The following LRIT1 variants were observed in gnomAD, a reference collection of about 807,000 sequenced individuals.
LRIT1 encodes leucine-rich repeat, immunoglobulin-like domain and transmembrane domain-containing protein 1.
Under a neutral mutation model 24.0 loss-of-function variants are expected in LRIT1, and 23 were observed. The ratio of observed to expected loss-of-function variants is 0.96; its 90% CI spans 0.69 to 1.36. The LOEUF is 1.36. Among genes scored for constraint, LRIT1 ranks in the 40% most tolerant of loss-of-function variants. LRIT1 has a pLI of 0.00. For synonymous variants in LRIT1, 361 were observed against 340.5 expected (o/e 1.06, Z -0.66); for missense variants, 846 against 806.3 (o/e 1.05, Z -0.60).
chr10:84,237,591 C>T lies in LRIT1; in HGVS notation c.218G>A (p.Arg73Lys), dbSNP rs754898127. 2 of 1,606,720 alleles carry T rather than the reference C, an allele frequency of 1.2e-6. No individual in the cohort carries two copies. The highest frequency in any genetic ancestry group is 1.1e-5 in the South Asian group (1 of 91,062). ...GGGCCTGAAGGCCTCGCCAGGAACC[C>T]TGCGTATGGCCGTCCGCTCCAGGCG... ...RLRLERTAIR[R>K]VPGEAFRPLG... The change falls in exon 2 of 4, where the codon AGG becomes AAG. Residue 73 changes from arginine to lysine, a missense_variant. Physicochemically the swap from Arg to Lys is conservative, Grantham distance 26. Transcript: ENST00000372105.
chr10:84,238,665 A>C (rs1289269107), intron 1 of LRIT1, among the ~76,000 whole-genome samples: 2 of 152,154 alleles, frequency 1.3e-5, no homozygotes, highest in Non-Finnish European at 2.9e-5. Context: ...TAAATGAGGT[A>C]ATGCATGTGG....
rs369082886 is a variant in LRIT1, at chr10:84,232,584, C to G, written c.1215G>C (p.Leu405=). The G allele has an allele frequency of 6.2e-7, 1 of 1,614,100 alleles. No homozygotes were observed. The highest frequency in any genetic ancestry group is 2.2e-5 in the East Asian group (1 of 44,874). The change falls in exon 4 of 4, where the codon CTG becomes CTC. Residue 405 remains leucine (L), a synonymous_variant. Coordinates refer to ENST00000372105, the MANE Select transcript of LRIT1 (RefSeq NM_015613.3). The part of the protein sequence containing the change: ...GPSVPSTKEE[L]TLEHFQMDAL... ...CATCCATCTGGAAGTGCTCAAGGGT[C>G]AGCTCCTCCTTTGTGCTGGGCACAG...
chr10:84,235,564 G>A (rs1842640629), intron 2 of LRIT1, among the ~76,000 whole-genome samples: 2 of 152,140 alleles, frequency 1.3e-5, no homozygotes, highest in African/African-American at 4.8e-5. Context: ...TTCCATGAGT[G>A]TATACGTTTT....
rs1225148202 is a variant in LRIT1 at position 84,241,337 on chromosome 10, C to A, written c.103G>T (p.Gly35Cys). 1 of 1,613,812 alleles carries A rather than the reference C, an allele frequency of 6.2e-7. No individual in the cohort carries two copies. Among genetic ancestry groups the A allele is most frequent in the African/African-American group, 1.3e-5 (1 of 74,942 alleles). ...SQCSCSLHIM[G>C]DGSKARTVVC... ...CCATACCTGGCCTTGCTGCCATCAC[C>A]CATGATATGGAGGCTGCAGCTGCAT... Residue 35 changes from glycine to cysteine, a missense_variant, in exon 1 of 4, where the codon GGT (glycine) becomes TGT (cysteine). Transcript: ENST00000372105.
At position 84,232,753 on chromosome 10, in the gene LRIT1, G is replaced by A. The variant is rs764535599; in HGVS notation, c.1046C>T (p.Pro349Leu). 62 of 1,613,940 alleles carry A rather than the reference G, an allele frequency of 3.8e-5. No homozygotes were observed. The highest frequency in any genetic ancestry group is 3.6e-5 in the Non-Finnish European group (43 of 1,180,024). Reference protein sequence around the residue: ...TVISLIVTEPPTSTEHSGSPG... With the variant: ...TVISLIVTEPLTSTEHSGSPG... ...GCTCCCACTGTGTTCTGTGGAAGTC[G>A]GTGGCTCAGTGACAATCAAGGAGAT... is the stretch of plus-strand genomic sequence containing the variant. Residue 349 changes from proline (P) to leucine (L), a missense_variant, in exon 4 of 4, where the codon CCG (proline) becomes CTG (leucine). By Grantham distance (98) the Pro-to-Leu change is moderately conservative. Coordinates refer to ENST00000372105, the MANE Select transcript of LRIT1 (RefSeq NM_015613.3).
intron 1 of LRIT1, among the ~76,000 whole-genome samples, chr10:84,240,074 C>T (rs80218184): frequency 1.7e-3 from 260 of 152,368 alleles, no homozygotes; most frequent in Middle Eastern, 0.01. Flanking sequence ...ACCACTGGTC[C>T]CTGCCCATGG....
intron 2 of LRIT1, among the ~76,000 whole-genome samples, chr10:84,236,906 A>G (rs2132865803): frequency 6.6e-6 from 1 of 152,290 alleles, no homozygotes; most frequent in South Asian, 2.1e-4. Context: ...TTGGTTTGTT[A>G]AGAACAGGAA....
At position 84,237,709 on chromosome 10, in the gene LRIT1, G is replaced by GT. The variant is rs1333327233; in HGVS notation, c.123-24dup. Reference sequence around the variant, plus strand: ...GTCCTGCTGGCAGAAATGAGGGATAGTTGAGCAAGGATCCTGCCGGGTCTG... The same window carrying GT: ...GTCCTGCTGGCAGAAATGAGGGATAGTTTGAGCAAGGATCCTGCCGGGTCTG... On this transcript the variant is annotated intron_variant, in intron 1 of 3. Coordinates refer to ENST00000372105, the MANE Select transcript of LRIT1 (RefSeq NM_015613.3). The GT allele has an allele frequency of 2.6e-6, 4 of 1,540,952 alleles. No individual in the cohort carries two copies. The East Asian group carries it at 9.2e-5, about 35-fold the overall frequency.
In LRIT1 at chr10:84,237,555, A is replaced by G. The variant is rs746074762; in HGVS notation, c.254T>C (p.Leu85Pro). 3.1e-6 allele frequency: 5 copies of G among 1,606,046 alleles called. No individual in the cohort carries two copies. The highest frequency in any genetic ancestry group is 3.4e-6 in the Non-Finnish European group (4 of 1,179,724). Reference sequence around the variant, plus strand: ...GTTGTAAGGCAGCCACAGCTGCTCCAGGCGGCCCAGGGGCCTGAAGGCCTC... The same window carrying G: ...GTTGTAAGGCAGCCACAGCTGCTCCGGGCGGCCCAGGGGCCTGAAGGCCTC... Reference protein sequence around the residue: ...PGEAFRPLGRLEQLWLPYNAL... With the variant: ...PGEAFRPLGRPEQLWLPYNAL... The change falls in exon 2 of 4, where the codon CTG becomes CCG. Residue 85 changes from leucine (L) to proline (P), a missense_variant. Leu to Pro is a moderately conservative substitution (Grantham distance 98). Coordinates refer to ENST00000372105, the MANE Select transcript of LRIT1 (RefSeq NM_015613.3).
intron 3 of LRIT1, among the ~76,000 whole-genome samples, chr10:84,233,654 C>G (rs891583941): frequency 1.3e-5 from 2 of 152,232 alleles, no homozygotes; most frequent in African/African-American, 2.4e-5. Flanking sequence ...GCATAATACA[C>G]TTAGCACTGT....
chr10:84,232,548 C>G lies in LRIT1; in HGVS notation c.1251G>C (p.Glu417Asp). The change falls in exon 4 of 4, where the codon GAG (glutamate) becomes GAC (aspartate). Residue 417 changes from glutamate (E) to aspartate (D), a missense_variant. Physicochemically the swap from Glu to Asp is conservative, Grantham distance 45 (BLOSUM62 2). Transcript: ENST00000372105. ...AGGGTCCTGCCCGCCCATCAGAGAG[C>G]TCTCCCAGGGCATCCATCTGGAAGT... ...LEHFQMDALG[E>D]LSDGRAGPSE... The G allele has an allele frequency of 6.2e-7, 1 of 1,614,196 alleles. No individual in the cohort carries two copies. The highest frequency in any genetic ancestry group is 2.2e-5 in the East Asian group (1 of 44,878).
At chr10:84,236,463 G>A (rs1842648597) in intron 2 of LRIT1, among the ~76,000 whole-genome samples, 1 of 152,154 alleles carries the variant, frequency 6.6e-6, no homozygotes. Context: ...AGAATATTGT[G>A]CAGTAGTTTT....
rs374050919 is a variant in LRIT1 at position 84,232,697 on chromosome 10, C to T, written c.1102G>A (p.Gly368Arg). The T allele has an allele frequency of 6.3e-5, 101 of 1,613,638 alleles. No homozygotes were observed. The highest frequency in any genetic ancestry group is 8.1e-5 in the Non-Finnish European group (96 of 1,179,792). ...PGALWARTGG[G>R]GEAAAYNNKL... ...TTGTTGTAAGCAGCAGCTTCCCCTCCGCCACCTGTCCTTGCCCATAGTGCT... is the reference window on the plus strand; with the variant it reads ...TTGTTGTAAGCAGCAGCTTCCCCTCTGCCACCTGTCCTTGCCCATAGTGCT... The change falls in exon 4 of 4, where the codon GGA becomes AGA. Residue 368 changes from glycine (G) to arginine (R), a missense_variant. By Grantham distance (125) the Gly-to-Arg change is moderately radical. Coordinates refer to ENST00000372105, the MANE Select transcript of LRIT1 (RefSeq NM_015613.3).
chr10:84,234,311 C>T lies in LRIT1; in HGVS notation c.657G>A (p.Trp219Ter), dbSNP rs768138111. The change falls in exon 3 of 4, where the codon TGG becomes TGA. Residue 219 changes from tryptophan to a stop codon, truncating the protein, a stop_gained. Transcript: ENST00000372105. LOFTEE classifies it high-confidence loss of function. ...LYDLVHLLDG[W>*]APNLAFIETE... ...TCTCAATGAAGGCCAAGTTTGGGGC[C>T]CAGCCATCCAAAAGATGAACCAGGT... is the stretch of plus-strand genomic sequence containing the variant. The T allele has an allele frequency of 5.6e-6, 9 of 1,606,458 alleles. No individual in the cohort carries two copies. Among genetic ancestry groups the T allele is most frequent in the Non-Finnish European group, 6.8e-6 (8 of 1,175,762 alleles).
chr10:84,239,204 A>T (rs575963531), intron 1 of LRIT1, among the ~76,000 whole-genome samples: 1 of 152,278 alleles, frequency 6.6e-6, no homozygotes, highest in Non-Finnish European at 1.5e-5. Flanking sequence ...GAAGAGAATC[A>T]GCCTCATAGC....
chr10:84,237,460 T>A lies in LRIT1; in HGVS notation c.349A>T (p.Asn117Tyr). ...GCCCAGGGGAAGGCGGCCAGGCGGT[T>A]CCCGGGCAGCCGCAGCTCCCGCAGG... ...RRLRELRLPG[N>Y]RLAAFPWAAL... is the part of the protein sequence containing the mutation. The change falls in exon 2 of 4, where the codon AAC (asparagine) becomes TAC (tyrosine). Residue 117 changes from asparagine to tyrosine, a missense_variant. By Grantham distance (143) the Asn-to-Tyr change is moderately radical. Coordinates refer to ENST00000372105, the MANE Select transcript of LRIT1 (RefSeq NM_015613.3). 6.4e-7 allele frequency: 1 copy of A among 1,565,496 alleles called. No individual in the cohort carries two copies. Among genetic ancestry groups the A allele is most frequent in the Non-Finnish European group, 8.6e-7 (1 of 1,158,978 alleles).
At chr10:84,238,140 G>A (rs906488955) in intron 1 of LRIT1, among the ~76,000 whole-genome samples, 1 of 152,136 alleles carries the variant, frequency 6.6e-6, no homozygotes, top group African/African-American at 2.4e-5. Flanking sequence ...GATCACCTGA[G>A]GTCAGGAGTT....
intron 2 of LRIT1, among the ~76,000 whole-genome samples, chr10:84,236,287 C>A (rs1417922422): frequency 6.6e-6 from 1 of 150,416 alleles, no homozygotes; most frequent in Non-Finnish European, 1.5e-5. Flanking sequence ...CAGAGCAAGA[C>A]TCCGTCTCAA....
chr10:84,232,475 G>T lies in LRIT1; in HGVS notation c.1324C>A (p.His442Asn). Reference protein sequence around the residue: ...RSVKVVGDTYHSVSLVWKAPQ... With the variant: ...RSVKVVGDTYNSVSLVWKAPQ... ...GCCTTCCACACCAAGGACACGCTGT[G>T]GTAAGTGTCCCCCACCACCTTCACA... Residue 442 changes from histidine to asparagine, a missense_variant, in exon 4 of 4, where the codon CAC becomes AAC. Physicochemically the swap from His to Asn is moderately conservative, Grantham distance 68 (BLOSUM62 1). Coordinates refer to ENST00000372105, the MANE Select transcript of LRIT1 (RefSeq NM_015613.3). The T allele has an allele frequency of 6.2e-7, 1 of 1,614,102 alleles. No individual in the cohort carries two copies. The highest frequency in any genetic ancestry group is 1.1e-5 in the South Asian group (1 of 91,082).
Sources: allele counts gnomAD v4.1 joint callset (sites outside exome capture counted in the v4.1 genomes callset), GRCh38; gene constraint gnomAD v4.1.1; transcripts MANE v1.5; gene names NCBI Gene and HGNC (gene_info 2026-07-23, HGNC 2026-07-21).